Variants in ZNF804B observed in about 807,000 individuals in gnomAD.
The protein encoded by ZNF804B is zinc finger 804B.
A neutral mutation model predicts 101.4 loss-of-function variants in ZNF804B; 80 were observed. The observed-to-expected ratio is 0.79, with a 90% CI of 0.66 to 0.95. The LOEUF (loss-of-function observed/expected upper bound fraction) is 0.95. Ranked by LOEUF, ZNF804B falls within the 40% of genes least tolerant of loss-of-function variation. The pLI is 0.00. For synonymous variants in ZNF804B, 622 were observed against 558.8 expected (o/e 1.11, Z -1.59); for missense variants, 1,673 against 1,561.9 (o/e 1.07, Z -1.20).
intron 1 of ZNF804B, among the ~76,000 whole-genome samples, chr7:88,761,446 T>C (rs1318037629): frequency 6.6e-6 from 1 of 152,190 alleles, no homozygotes; most frequent in Non-Finnish European, 1.5e-5. Context: ...TCCCTCTAAG[T>C]AGCAGGTCTG....
chr7:88,935,543 A>G (rs78726701), intron 1 of ZNF804B, among the ~76,000 whole-genome samples: 2 of 150,056 alleles, frequency 1.3e-5, no homozygotes, highest in Non-Finnish European at 3.0e-5. Flanking sequence ...ATTTTTTTTT[A>G]ATAAAAAGAA....
intron 1 of ZNF804B, among the ~76,000 whole-genome samples, chr7:88,982,120 G>A (rs1312814276): frequency 6.6e-6 from 1 of 151,764 alleles, no homozygotes; most frequent in African/African-American, 2.4e-5. Context: ...TGACTTGGGG[G>A]CTCCTTTGTG....
chr7:89,180,586 G>C, intron 1 of ZNF804B, among the ~76,000 whole-genome samples: 1 of 152,030 alleles, frequency 6.6e-6, no homozygotes, highest in African/African-American at 2.4e-5. Flanking sequence ...CCTACAATGG[G>C]GGTTTCAGGA....
intron 1 of ZNF804B, among the ~76,000 whole-genome samples, chr7:88,967,139 G>T (rs965713064): frequency 6.6e-6 from 1 of 151,510 alleles, no homozygotes; most frequent in Non-Finnish European, 1.5e-5. Context: ...TGAAGGAGAT[G>T]ATGCACATTG....
chr7:89,171,362 C>CTCTTCCTCTTCTTCCTCT (rs796739158), intron 1 of ZNF804B, among the ~76,000 whole-genome samples: 17 of 86,766 alleles, frequency 2.0e-4, no homozygotes, highest in East Asian at 6.2e-4. Flanking sequence ...CTTCTTCCTC[C>CTCTTCCTCTTCTTCCTCT]TCTTCCTCTT....
chr7:88,957,435 C>T, intron 1 of ZNF804B, among the ~76,000 whole-genome samples: 1 of 151,408 alleles, frequency 6.6e-6, no homozygotes, highest in Non-Finnish European at 1.5e-5. Context: ...CACAATTATA[C>T]ACTGATACAG....
intron 1 of ZNF804B, among the ~76,000 whole-genome samples, chr7:88,796,963 A>C (rs1343078171): frequency 6.6e-6 from 1 of 152,152 alleles, no homozygotes; most frequent in Non-Finnish European, 1.5e-5. Flanking sequence ...TTATTTTTGC[A>C]CAGAAAATTC....
chr7:89,029,886 C>A (rs996346261), intron 1 of ZNF804B, among the ~76,000 whole-genome samples: 1 of 152,074 alleles, frequency 6.6e-6, no homozygotes, highest in African/African-American at 2.4e-5. Flanking sequence ...TATTTGTCTA[C>A]TTAATGAGAG....
At chr7:89,185,525 G>A (rs750240339) in intron 1 of ZNF804B, among the ~76,000 whole-genome samples, 3 of 152,042 alleles carry the variant, frequency 2.0e-5, no homozygotes, top group East Asian at 3.9e-4. Context: ...GAGAAAGTTC[G>A]TCTTCAAGTC....
At chr7:89,056,848 G>C (rs1175441926) in intron 1 of ZNF804B, among the ~76,000 whole-genome samples, 1 of 152,120 alleles carries the variant, frequency 6.6e-6, no homozygotes, top group African/African-American at 2.4e-5. Flanking sequence ...TTGCAACAGA[G>C]GAAGAGGTTT....
chr7:89,283,500 C>T (rs897763340), intron 2 of ZNF804B, among the ~76,000 whole-genome samples: 3 of 152,158 alleles, frequency 2.0e-5, no homozygotes, highest in African/African-American at 7.2e-5. Context: ...TGCACTCCAG[C>T]CTGGGTGACA....
chr7:88,775,088 C>T (rs1366896895), intron 1 of ZNF804B, among the ~76,000 whole-genome samples: 1 of 152,122 alleles, frequency 6.6e-6, no homozygotes, highest in Non-Finnish European at 1.5e-5. Flanking sequence ...AGATAGGCAA[C>T]AAACAGATTT....
intron 1 of ZNF804B, among the ~76,000 whole-genome samples, chr7:88,999,483 C>T (rs1395220030): frequency 6.6e-6 from 1 of 151,902 alleles, no homozygotes; most frequent in Non-Finnish European, 1.5e-5. Flanking sequence ...TTAAAGGGAA[C>T]TTTTCATTAA....
At chr7:89,183,097 T>C in intron 1 of ZNF804B, among the ~76,000 whole-genome samples, 1 of 152,166 alleles carries the variant, frequency 6.6e-6, no homozygotes, top group East Asian at 1.9e-4. Flanking sequence ...GCTAATAAGT[T>C]GAGCCTTTCA....
chr7:89,171,288 G>GCTGCTGCTGCTGCTT (rs1215246589), intron 1 of ZNF804B, among the ~76,000 whole-genome samples: 948 of 82,408 alleles, frequency 0.012, 10 homozygotes, highest in Admixed American at 0.023. Flanking sequence ...TGCTGCTGCT[G>GCTGCTGCTGCTGCTT]CTTCTTCTTC....
At chr7:89,219,496 G>A (rs1788947795) in intron 2 of ZNF804B, among the ~76,000 whole-genome samples, 1 of 151,730 alleles carries the variant, frequency 6.6e-6, no homozygotes, top group Non-Finnish European at 1.5e-5. Context: ...TATATTATTA[G>A]TGTGGATATA....
chr7:89,089,133 T>G (rs1264186765), intron 1 of ZNF804B, among the ~76,000 whole-genome samples: 1 of 151,620 alleles, frequency 6.6e-6, no homozygotes. Context: ...TTAATTTCTA[T>G]GAAGATTACA....
chr7:89,007,550 ATATATT>A (rs1229538895), intron 1 of ZNF804B, among the ~76,000 whole-genome samples: 18 of 80,372 alleles, frequency 2.2e-4, no homozygotes, highest in African/African-American at 4.8e-4. Context: ...TATATATAAT[ATATATT>A]TATCTATTAT....
chr7:88,956,315 C>G (rs1793308191), intron 1 of ZNF804B, among the ~76,000 whole-genome samples: 1 of 151,590 alleles, frequency 6.6e-6, no homozygotes, highest in East Asian at 2.0e-4. Flanking sequence ...TTAACAATTG[C>G]CAAGATATGG....
Sources: allele counts gnomAD v4.1 joint callset (sites outside exome capture counted in the v4.1 genomes callset), GRCh38; gene constraint gnomAD v4.1.1; transcripts MANE v1.5; gene names NCBI Gene and HGNC (gene_info 2026-07-23, HGNC 2026-07-21).